Variants in TRMT11 observed in about 807,000 individuals in gnomAD.
TRMT11 encodes tRNA methyltransferase 11.
TRMT11 carries 53 observed loss-of-function variants against 62.8 expected under a neutral mutation model. That is an observed-to-expected ratio of 0.84 (90% CI 0.68 to 1.06). The LOEUF is 1.06. Among genes scored for constraint, TRMT11 ranks in the 50% least tolerant of loss-of-function variants. TRMT11 has a pLI of 0.00. For missense variants in TRMT11, 556 were observed against 553.4 expected, an observed-to-expected ratio of 1.00 and a Z score of -0.05; for synonymous variants, 188 against 190.3, an observed-to-expected ratio of 0.99 and a Z score of 0.10.
rs1457322007 is a variant in TRMT11, at chr6:125,998,220, T to G, written c.295-3T>G. ...TCAAAAAACTGATTTCCTTTTATTT[T>G]AGGTTCCATTTCTACATTCGGACTC... On this transcript the variant is annotated splice_region_variant and splice_polypyrimidine_tract_variant and intron_variant, in intron 4 of 12. Coordinates refer to ENST00000334379, the MANE Select transcript of TRMT11 (RefSeq NM_001031712.3). 3 of 1,599,044 alleles carry G rather than the reference T, an allele frequency of 1.9e-6. No homozygotes were observed. Among genetic ancestry groups the G allele is most frequent in the Non-Finnish European group, 2.6e-6 (3 of 1,167,204 alleles).
chr6:126,262,202 T>C, the TRMT11 span, among the ~76,000 whole-genome samples: 1 of 152,124 alleles, frequency 6.6e-6, no homozygotes, highest in Non-Finnish European at 1.5e-5. Context: ...GCGGAGGGCT[T>C]GCAACAGCCT....
At chr6:126,117,641 G>T (rs1039333967) in intron 21 of TRMT11, among the ~76,000 whole-genome samples, 10 of 151,948 alleles carry the variant, frequency 6.6e-5, no homozygotes, top group Non-Finnish European at 1.3e-4. Context: ...TGATTATTTA[G>T]TAAGACCACA....
At chr6:126,030,642 T>G (rs1009586087) in intron 12 of TRMT11, among the ~76,000 whole-genome samples, 3 of 152,224 alleles carry the variant, frequency 2.0e-5, no homozygotes, top group African/African-American at 4.8e-5. Flanking sequence ...AGCTGCTGTT[T>G]TGTATAAACT....
intron 7 of TRMT11, among the ~76,000 whole-genome samples, chr6:126,005,534 C>A (rs1793223436): frequency 1.3e-5 from 2 of 151,846 alleles, no homozygotes; most frequent in South Asian, 4.1e-4. Context: ...TAATGGTTAT[C>A]ATTATTACTT....
chr6:126,135,572 A>G (rs1208196857), intron 21 of TRMT11, among the ~76,000 whole-genome samples: 1 of 151,748 alleles, frequency 6.6e-6, no homozygotes, highest in Non-Finnish European at 1.5e-5. Flanking sequence ...AAGAAGTACT[A>G]ATACCAATTA....
At chr6:126,049,458 G>C (rs1279680606) in intron 16 of TRMT11, among the ~76,000 whole-genome samples, 2 of 152,082 alleles carry the variant, frequency 1.3e-5, no homozygotes, top group Non-Finnish European at 1.5e-5. Context: ...GATTCCAAGA[G>C]TGTTAATTTT....
At chr6:126,055,109 C>G (rs1342189315) in intron 17 of TRMT11, among the ~76,000 whole-genome samples, 1 of 152,142 alleles carries the variant, frequency 6.6e-6, no homozygotes, top group Non-Finnish European at 1.5e-5. Flanking sequence ...GGACTACAGG[C>G]ACATGGCACT....
intron 17 of TRMT11, among the ~76,000 whole-genome samples, chr6:126,102,806 C>T (rs961454532): frequency 6.6e-6 from 1 of 152,138 alleles, no homozygotes; most frequent in Non-Finnish European, 1.5e-5. Context: ...GTATCAGGTT[C>T]TTACTGTGCT....
At chr6:126,263,022 A>T in the TRMT11 span, among the ~76,000 whole-genome samples, 87 of 151,748 alleles carry the variant, frequency 5.7e-4, no homozygotes, top group African/African-American at 2.0e-3. Context: ...ATTTACATAG[A>T]GTTGTTACAA....
intron 12 of TRMT11, among the ~76,000 whole-genome samples, chr6:126,023,936 A>C (rs938191140): frequency 2.6e-5 from 4 of 152,226 alleles, no homozygotes; most frequent in Non-Finnish European, 5.9e-5. Context: ...AACTAAGTTA[A>C]TGCTTTAGAA....
At chr6:125,993,150 A>C (rs200704995) in intron 1 of TRMT11, among the ~76,000 whole-genome samples, 2 of 152,164 alleles carry the variant, frequency 1.3e-5, no homozygotes, top group East Asian at 1.9e-4. Context: ...ATTTAAGGAG[A>C]TAACTTGTTA....
At chr6:126,120,159 C>T (rs1313008676) in intron 21 of TRMT11, among the ~76,000 whole-genome samples, 1 of 152,076 alleles carries the variant, frequency 6.6e-6, no homozygotes, top group Non-Finnish European at 1.5e-5. Context: ...CCTGTAATCC[C>T]AGCTACTCTG....
chr6:126,228,976 A>C, the TRMT11 span, among the ~76,000 whole-genome samples: 1 of 152,210 alleles, frequency 6.6e-6, no homozygotes, highest in African/African-American at 2.4e-5. Context: ...TATAGTAAAA[A>C]AAAGACACTT....
At chr6:125,987,129 C>T (rs1367453263) in intron 1 of TRMT11, 1 of 156,974 alleles carries the variant, frequency 6.4e-6, no homozygotes, top group African/African-American at 2.4e-5. Flanking sequence ...GCAATCTCTG[C>T]CCTCTAGGAG....
At chr6:126,117,536 T>A (rs1025879081) in intron 21 of TRMT11, among the ~76,000 whole-genome samples, 1 of 152,074 alleles carries the variant, frequency 6.6e-6, no homozygotes, top group African/African-American at 2.4e-5. Flanking sequence ...CAAACAGTAT[T>A]AGTAATATTG....
At chr6:126,093,585 G>GTATGTGTATA (rs1554236807) in intron 17 of TRMT11, among the ~76,000 whole-genome samples, 3 of 46,666 alleles carry the variant, frequency 6.4e-5, no homozygotes, top group Non-Finnish European at 1.1e-4. Flanking sequence ...GGATATGTAT[G>GTATGTGTATA]TATATATATA....
intron 17 of TRMT11, among the ~76,000 whole-genome samples, chr6:126,085,110 G>A (rs187259478): frequency 9.0e-4 from 137 of 152,284 alleles, no homozygotes; most frequent in Admixed American, 2.9e-3. Context: ...TGGTAACTAT[G>A]TGAGGTGATG....
chr6:126,106,476 T>C (rs1211485621), intron 17 of TRMT11, among the ~76,000 whole-genome samples: 7 of 152,120 alleles, frequency 4.6e-5, no homozygotes, highest in Non-Finnish European at 1.0e-4. Flanking sequence ...ATTGCTAGCT[T>C]TTTGGCCTCA....
At chr6:126,238,241 G>A in the TRMT11 span, among the ~76,000 whole-genome samples, 1 of 152,006 alleles carries the variant, frequency 6.6e-6, no homozygotes, top group Non-Finnish European at 1.5e-5. Flanking sequence ...GTTATTTCTT[G>A]CTTTCTGCTA....
Sources: gnomAD v4.1 joint callset for allele counts (sites outside exome capture counted in the v4.1 genomes callset) on GRCh38, gnomAD v4.1.1 for gene constraint, MANE v1.5 for transcripts, NCBI Gene and HGNC (gene_info 2026-07-23, HGNC 2026-07-21) for gene names.